LRRIQ3: variants seen among roughly 807,000 people sequenced by gnomAD.
LRRIQ3 encodes leucine-rich repeat and IQ domain-containing protein 3.
Under a neutral mutation model 59.3 loss-of-function variants are expected in LRRIQ3, and 75 were observed. The ratio of observed to expected loss-of-function variants is 1.26; its 90% CI spans 1.05 to 1.53. LRRIQ3 has a LOEUF of 1.53. LRRIQ3 is among the 40% of genes most tolerant of loss of function. The pLI, the probability that LRRIQ3 is intolerant of heterozygous loss-of-function variation, is 0.00. For synonymous variants in LRRIQ3, 250 were observed against 231.3 expected, an observed-to-expected ratio of 1.08 and a Z score of -0.73; for missense variants, 831 against 710.0, an observed-to-expected ratio of 1.17 and a Z score of -1.94.
chr1:74,070,725 T>A (rs1048811695), intron 6 of LRRIQ3, among the ~76,000 whole-genome samples: 1 of 151,742 alleles, frequency 6.6e-6, no homozygotes, highest in Non-Finnish European at 1.5e-5. Context: ...CTAAGCATAA[T>A]AAAATACCTC....
At chr1:74,043,645 C>G (rs1425376537) in intron 6 of LRRIQ3, among the ~76,000 whole-genome samples, 1 of 152,108 alleles carries the variant, frequency 6.6e-6, no homozygotes, top group Non-Finnish European at 1.5e-5. Flanking sequence ...CCCATTAACA[C>G]TTTTAAAAGT....
At chr1:74,132,349 T>C (rs922504885) in intron 4 of LRRIQ3, among the ~76,000 whole-genome samples, 10 of 150,462 alleles carry the variant, frequency 6.6e-5, no homozygotes, top group Non-Finnish European at 1.3e-4. Context: ...CCAATGACTT[T>C]CTTGGAAAAA....
At chr1:74,116,077 A>G (rs1646772714) in intron 4 of LRRIQ3, among the ~76,000 whole-genome samples, 1 of 152,054 alleles carries the variant, frequency 6.6e-6, no homozygotes. Context: ...GATTTTAAAA[A>G]CCTGAAAACA....
intron 6 of LRRIQ3, among the ~76,000 whole-genome samples, chr1:74,066,782 T>C (rs1383878730): frequency 6.6e-6 from 1 of 152,112 alleles, no homozygotes; most frequent in Non-Finnish European, 1.5e-5. Flanking sequence ...AAAATCATAA[T>C]GGTTAACAAA....
chr1:74,152,267 T>A (rs941510527), intron 4 of LRRIQ3, among the ~76,000 whole-genome samples: 6 of 151,892 alleles, frequency 4.0e-5, no homozygotes, highest in African/African-American at 1.4e-4. Context: ...CAACAAAAAA[T>A]TTCCTAAGTG....
intron 4 of LRRIQ3, among the ~76,000 whole-genome samples, chr1:74,153,566 C>G (rs1397595038): frequency 6.6e-6 from 1 of 152,114 alleles, no homozygotes; most frequent in African/African-American, 2.4e-5. Context: ...TTAATCAATT[C>G]AGAAAGTATT....
At chr1:74,100,524 T>A (rs898486212) in intron 5 of LRRIQ3, among the ~76,000 whole-genome samples, 1 of 151,970 alleles carries the variant, frequency 6.6e-6, no homozygotes, top group African/African-American at 2.4e-5. Context: ...ATAAAGCTAC[T>A]AATGACTTTC....
chr1:74,112,568 T>C (rs1184472998), intron 4 of LRRIQ3, among the ~76,000 whole-genome samples: 3 of 152,152 alleles, frequency 2.0e-5, no homozygotes, highest in East Asian at 3.9e-4. Context: ...TTAAAGACAA[T>C]AGAACAATCA....
intron 4 of LRRIQ3, among the ~76,000 whole-genome samples, chr1:74,131,046 A>C (rs919641365): frequency 4.6e-5 from 7 of 151,836 alleles, no homozygotes; most frequent in African/African-American, 1.7e-4. Context: ...ATGATAATGG[A>C]GATATTACCA....
At chr1:74,074,428 C>A (rs1343439012) in intron 6 of LRRIQ3, among the ~76,000 whole-genome samples, 1 of 152,036 alleles carries the variant, frequency 6.6e-6, no homozygotes, top group East Asian at 1.9e-4. Context: ...AGTCACTACT[C>A]CCCTATGAAG....
intron 3 of LRRIQ3, among the ~76,000 whole-genome samples, chr1:74,164,720 A>C (rs557623027): frequency 2.2e-4 from 33 of 151,636 alleles, no homozygotes; most frequent in Middle Eastern, 3.4e-3. Flanking sequence ...TTTTGATGTC[A>C]GGTCTAAGAA....
intron 4 of LRRIQ3, among the ~76,000 whole-genome samples, chr1:74,134,614 A>C (rs1386501567): frequency 3.3e-5 from 5 of 152,016 alleles, no homozygotes. Context: ...CAGTAGGGCA[A>C]AGGAAGGTAG....
At chr1:74,153,876 A>G (rs1648138294) in intron 4 of LRRIQ3, among the ~76,000 whole-genome samples, 1 of 152,156 alleles carries the variant, frequency 6.6e-6, no homozygotes, top group African/African-American at 2.4e-5. Flanking sequence ...GAAGGGAGCA[A>G]GAAATCCAAG....
intron 4 of LRRIQ3, among the ~76,000 whole-genome samples, chr1:74,153,909 T>G (rs1648139471): frequency 6.6e-6 from 1 of 151,928 alleles, no homozygotes; most frequent in Non-Finnish European, 1.5e-5. Flanking sequence ...TGGGGCCAAA[T>G]AACACAGAGA....
Position 74,103,796 on chromosome 1 carries a change from C to T in LRRIQ3, c.867+5598G>A, listed in dbSNP as rs200692988. 4.3e-3 allele frequency among the ~76,000 whole-genome samples: 648 copies of T among 151,390 alleles called. 8 individuals carry two copies. The highest frequency in any genetic ancestry group is 3.3e-3 in the Admixed American group (50 of 15,128). On this transcript the variant is annotated intron_variant, in intron 5 of 7. Coordinates refer to ENST00000354431, the MANE Select transcript of LRRIQ3 (RefSeq NM_001105659.2). Reference sequence around the variant, plus strand: ...ATTCTCCCTCTGTCCTTCCCCCCCCCGCCATATTTACCTGAATTTAAAGTA... The same window carrying T: ...ATTCTCCCTCTGTCCTTCCCCCCCCTGCCATATTTACCTGAATTTAAAGTA...
chr1:74,161,360 A>T (rs1245004539), intron 3 of LRRIQ3, among the ~76,000 whole-genome samples: 1 of 152,020 alleles, frequency 6.6e-6, no homozygotes, highest in East Asian at 1.9e-4. Context: ...ATCCGACAAA[A>T]AGTCTTTGCT....
At chr1:74,071,781 C>A (rs1441082705) in intron 6 of LRRIQ3, among the ~76,000 whole-genome samples, 2 of 152,088 alleles carry the variant, frequency 1.3e-5, no homozygotes, top group African/African-American at 2.4e-5. Flanking sequence ...CTGTTATACA[C>A]CAGGACAACA....
intron 4 of LRRIQ3, among the ~76,000 whole-genome samples, chr1:74,138,950 C>T (rs1281486350): frequency 6.6e-6 from 1 of 151,350 alleles, no homozygotes; most frequent in Admixed American, 6.6e-5. Flanking sequence ...TTTGGGAGGC[C>T]AACACTTGAG....
intron 5 of LRRIQ3, among the ~76,000 whole-genome samples, chr1:74,096,066 A>G (rs1177689716): frequency 6.6e-6 from 1 of 152,082 alleles, no homozygotes; most frequent in Non-Finnish European, 1.5e-5. Context: ...ATGAAATTAC[A>G]CACTATTATA....
Sources: gnomAD v4.1 joint callset for allele counts (sites outside exome capture counted in the v4.1 genomes callset) on GRCh38, gnomAD v4.1.1 for gene constraint, MANE v1.5 for transcripts, NCBI Gene and HGNC (gene_info 2026-07-23, HGNC 2026-07-21) for gene names.